B3GAT2: variants seen among roughly 807,000 people sequenced by gnomAD.
B3GAT2 encodes the protein beta-1,3-glucuronyltransferase 2.
In B3GAT2, 26 loss-of-function variants were observed where a neutral mutation model predicts 27.8. That is an observed-to-expected ratio of 0.93 (90% confidence interval 0.68 to 1.30). The LOEUF (loss-of-function observed/expected upper bound fraction) is 1.30. B3GAT2 is among the 50% of genes most tolerant of loss of function. B3GAT2 has a pLI of 0.00. For missense variants in B3GAT2, 458 were observed against 459.0 expected (o/e 1.00, Z 0.02); for synonymous variants, 218 against 195.1 (o/e 1.12, Z -0.98).
At position 70,866,179 on chromosome 6, in the gene B3GAT2, C is replaced by T. The variant is rs1009710565; in HGVS notation, c.737-4201G>A. On this transcript the variant is annotated intron_variant, in intron 2 of 3. Coordinates refer to ENST00000230053, the MANE Select transcript of B3GAT2 (RefSeq NM_080742.3). ...TTACTGGAGGGGACTAGTTCCCATTCTCAGTAGCCAGAGTGGAGCTACCTA... is the reference window on the plus strand; with the variant it reads ...TTACTGGAGGGGACTAGTTCCCATTTTCAGTAGCCAGAGTGGAGCTACCTA... Among the ~76,000 whole-genome samples the T allele has an allele frequency of 3.3e-5, 5 of 152,140 alleles. No homozygotes were observed. In the East Asian group the frequency reaches 9.6e-4, roughly 29 times the overall value.
At chr6:70,946,084 G>A (rs1484600425) in intron 1 of B3GAT2, among the ~76,000 whole-genome samples, 3 of 151,996 alleles carry the variant, frequency 2.0e-5, no homozygotes, top group Non-Finnish European at 2.9e-5. Flanking sequence ...ACTAAACATG[G>A]AAAGGCACAA....
intron 2 of B3GAT2, among the ~76,000 whole-genome samples, chr6:70,874,983 T>C (rs1263130882): frequency 6.6e-6 from 1 of 151,974 alleles, no homozygotes; most frequent in African/African-American, 2.4e-5. Flanking sequence ...AATACTGCTC[T>C]TACCAAGATT....
intron 1 of B3GAT2, among the ~76,000 whole-genome samples, chr6:70,941,425 C>A (rs956376412): frequency 6.6e-6 from 1 of 152,148 alleles, no homozygotes; most frequent in African/African-American, 2.4e-5. Context: ...TGGATTTGAA[C>A]ATGGGCTGTT....
At chr6:70,893,576 A>T (rs903071795) in intron 2 of B3GAT2, among the ~76,000 whole-genome samples, 1 of 152,176 alleles carries the variant, frequency 6.6e-6, no homozygotes, top group Non-Finnish European at 1.5e-5. Flanking sequence ...TGTTCAGGGA[A>T]TAAAAACTTT....
rs183719986 is a variant in B3GAT2, at chr6:70,926,952, A to G, written c.591+28887T>C. The stretch of plus-strand genomic sequence containing the variant: ...AAAGGTCGGGTTACCCACAAAGGGA[A>G]GCCCATCAGACTAACAGCAGATCTC... On this transcript the variant is annotated intron_variant, in intron 1 of 3. Coordinates refer to ENST00000230053, the MANE Select transcript of B3GAT2 (RefSeq NM_080742.3). Among the ~76,000 whole-genome samples the G allele has an allele frequency of 2.0e-5, 3 of 152,326 alleles. No homozygotes were observed. In the East Asian group the frequency reaches 5.8e-4, roughly 29 times the overall value.
In B3GAT2 at chr6:70,859,402, A is replaced by G; in HGVS notation, c.*2261T>C. 6.5e-7 allele frequency: 1 copy of G among 1,548,424 alleles called. No homozygotes were observed. The highest frequency in any genetic ancestry group is 8.7e-7 in the Non-Finnish European group (1 of 1,145,644). On this transcript the variant is annotated 3_prime_UTR_variant, in exon 4 of 4. Coordinates refer to ENST00000230053, the MANE Select transcript of B3GAT2 (RefSeq NM_080742.3). The stretch of plus-strand genomic sequence containing the variant: ...TACTGGCCAATGACAAGGTGGTTAA[A>G]ATGTCCTTTAGTAGGTATGAAGACG...
At chr6:70,934,040 G>T (rs1024236189) in intron 1 of B3GAT2, among the ~76,000 whole-genome samples, 2 of 152,166 alleles carry the variant, frequency 1.3e-5, no homozygotes, top group African/African-American at 4.8e-5. Context: ...CCAAGGGTGG[G>T]ACCCAGAACG....
intron 1 of B3GAT2, among the ~76,000 whole-genome samples, chr6:70,910,176 C>T (rs1772668057): frequency 6.6e-6 from 1 of 152,072 alleles, no homozygotes; most frequent in African/African-American, 2.4e-5. Flanking sequence ...CCCGGCCCCT[C>T]TTCTTTTTTT....
At chr6:70,938,255 G>A (rs1765329515) in intron 1 of B3GAT2, among the ~76,000 whole-genome samples, 1 of 114,576 alleles carries the variant, frequency 8.7e-6, no homozygotes, top group Admixed American at 1.0e-4. Flanking sequence ...AATAAAAGAG[G>A]ATACAAACAA....
rs147649957 is a variant in B3GAT2 at position 70,924,244 on chromosome 6, T to C, written c.592-29972A>G. On this transcript the variant is annotated intron_variant, in intron 1 of 3. Transcript: ENST00000230053. The stretch of plus-strand genomic sequence containing the variant: ...ATATACACTAAAAACTATGAAACAC[T>C]GGTGAAAGAAATTAAAGACCACAAA... 1.6e-3 allele frequency among the ~76,000 whole-genome samples: 246 copies of C among 152,214 alleles called. 1 individual carries two copies. Among genetic ancestry groups the C allele is most frequent in the African/African-American group, 5.5e-3 (229 of 41,532 alleles).
At chr6:70,938,349 A>G (rs1405856759) in intron 1 of B3GAT2, among the ~76,000 whole-genome samples, 2 of 148,324 alleles carry the variant, frequency 1.3e-5, no homozygotes, top group African/African-American at 5.0e-5. Context: ...TATAGATTCA[A>G]TGCCATCCCC....
chr6:70,934,123 G>A (rs1306347203), intron 1 of B3GAT2, among the ~76,000 whole-genome samples: 1 of 152,188 alleles, frequency 6.6e-6, no homozygotes, highest in East Asian at 1.9e-4. Context: ...CAGGCCTAGA[G>A]GCCCCATCTT....
At chr6:70,938,539 C>T (rs1329602389) in intron 1 of B3GAT2, among the ~76,000 whole-genome samples, 1 of 150,942 alleles carries the variant, frequency 6.6e-6, no homozygotes, top group South Asian at 2.1e-4. Flanking sequence ...CAGCATGGTA[C>T]TGGTACCAAA....
At chr6:70,876,255 T>G (rs1207701649) in intron 2 of B3GAT2, among the ~76,000 whole-genome samples, 1 of 152,146 alleles carries the variant, frequency 6.6e-6, no homozygotes, top group Admixed American at 6.5e-5. Flanking sequence ...GTGAAATAAT[T>G]TTTTAAATGG....
intron 1 of B3GAT2, among the ~76,000 whole-genome samples, chr6:70,939,655 C>G (rs1765355460): frequency 6.6e-6 from 1 of 151,376 alleles, no homozygotes; most frequent in Non-Finnish European, 1.5e-5. Flanking sequence ...GGACAAAAAA[C>G]CAACACCGCA....
chr6:70,858,379 A>G lies in B3GAT2; in HGVS notation c.*3284T>C, dbSNP rs1432055848. ...ATATGTTATAGGGTCAAAAGTATCT[A>G]TAAATATTATGAAGTTGTATCAGAT... On this transcript the variant is annotated 3_prime_UTR_variant, in exon 4 of 4. Coordinates refer to ENST00000230053, the MANE Select transcript of B3GAT2 (RefSeq NM_080742.3). 18 of 623,192 alleles carry G rather than the reference A, an allele frequency of 2.9e-5. No homozygotes were observed. The highest frequency in any genetic ancestry group is 4.6e-5 in the Non-Finnish European group (18 of 393,168). 38.6% of individuals were successfully genotyped at this position (623,192 alleles called of 1,614,324 possible).
chr6:70,859,024 C>G lies in B3GAT2; in HGVS notation c.*2639G>C, dbSNP rs552313603. On this transcript the variant is annotated 3_prime_UTR_variant, in exon 4 of 4. Transcript: ENST00000230053. ...TCCCACTCTTCTTCCTTTTACACTTCCCATTGATGTTCCTCCAGCATTTTG... is the reference window on the plus strand; with the variant it reads ...TCCCACTCTTCTTCCTTTTACACTTGCCATTGATGTTCCTCCAGCATTTTG... The G allele has an allele frequency of 9.6e-6, 2 of 208,346 alleles. No individual in the cohort carries two copies. Among genetic ancestry groups the G allele is most frequent in the South Asian group, 2.3e-4 (2 of 8,534 alleles). The allele number at this position is 208,346 out of a possible 1,614,324, so 12.9% of individuals were successfully genotyped here. A position where few individuals can be genotyped will look rare whatever the true frequency, so the allele number is the denominator to read the frequency against.
intron 1 of B3GAT2, among the ~76,000 whole-genome samples, chr6:70,913,918 TTGTTGAATTGAAC>T (rs1772727734): frequency 6.6e-6 from 1 of 152,258 alleles, no homozygotes; most frequent in Non-Finnish European, 1.5e-5. Context: ...TTAAGTCTTC[TTGTTGAATTGAAC>T]CCTTTATGAT....
intron 2 of B3GAT2, among the ~76,000 whole-genome samples, chr6:70,862,797 C>G (rs1389643958): frequency 2.0e-5 from 3 of 152,010 alleles, no homozygotes; most frequent in Non-Finnish European, 4.4e-5. Flanking sequence ...TAATGAGACC[C>G]TGTCTCTACA....
Sources: gnomAD v4.1 joint callset for allele counts (sites outside exome capture counted in the v4.1 genomes callset) on GRCh38, gnomAD v4.1.1 for gene constraint, MANE v1.5 for transcripts, NCBI Gene and HGNC (gene_info 2026-07-23, HGNC 2026-07-21) for gene names.